VWDE: variants seen among roughly 807,000 people sequenced by gnomAD.
The protein encoded by VWDE is von Willebrand factor D and EGF domain-containing protein.
A neutral mutation model predicts 178.4 loss-of-function variants in VWDE; 207 were observed. The observed-to-expected ratio is 1.16, with a 90% confidence interval of 1.04 to 1.30. The LOEUF (loss-of-function observed/expected upper bound fraction) is 1.30. Ranked by LOEUF, VWDE falls within the 50% of genes most tolerant of loss-of-function variation. The probability of loss-of-function intolerance (pLI) is 0.00; values close to 1 mark genes in which losing one functional copy is unlikely to be tolerated. For missense variants in VWDE, 2,287 were observed against 1,901.3 expected, an observed-to-expected ratio of 1.20 and a Z score of -3.77; for synonymous variants, 738 against 651.4, an observed-to-expected ratio of 1.13 and a Z score of -2.02.
intron 1 of VWDE, among the ~76,000 whole-genome samples, chr7:12,394,942 TAC>T (rs1784554918): frequency 6.6e-6 from 1 of 152,150 alleles, no homozygotes; most frequent in Non-Finnish European, 1.5e-5. Flanking sequence ...GATACTAATT[TAC>T]AAGTGGATCT....
intron 1 of VWDE, among the ~76,000 whole-genome samples, chr7:12,400,575 A>G (rs2128565765): frequency 6.6e-6 from 1 of 152,246 alleles, no homozygotes; most frequent in East Asian, 1.9e-4. Flanking sequence ...CCCACAAAGA[A>G]AAGACCTGGC....
chr7:12,369,960 G>A lies in VWDE; in HGVS notation c.2346C>T (p.Asp782=), dbSNP rs1221075898. 3 of 1,551,474 alleles carry A rather than the reference G, an allele frequency of 1.9e-6. No homozygotes were observed. The highest frequency in any genetic ancestry group is 4.9e-5 in the East Asian group (2 of 40,900). The part of the protein sequence containing the change: ...LEELTYFFPE[D]HAEDVQQEFF... ...ACTCTTGCTGTACATCCTCAGCATG[G>A]TCCTCTGGGAAAAAATAAGTAAGTT... is the stretch of plus-strand genomic sequence containing the variant. The change falls in exon 12 of 29, where the codon GAC becomes GAT. Residue 782 remains aspartate (D), a synonymous_variant. Coordinates refer to ENST00000275358, the MANE Select transcript of VWDE (RefSeq NM_001135924.3).
In VWDE at chr7:12,354,476, G is replaced by A. The variant is rs79323800; in HGVS notation, c.3745+1635C>T. 146 of 375,090 alleles carry A rather than the reference G, an allele frequency of 3.9e-4. 1 individual carries two copies. In the East Asian group the frequency reaches 9.2e-3, roughly 24 times the overall value. 23.2% of individuals were successfully genotyped at this position (375,090 alleles called of 1,614,324 possible). ...GAGTCACACTCATCAACATCTTCCT[G>A]GCAATTTTTGCCTGTATAAAATATA... On this transcript the variant is annotated intron_variant, in intron 18 of 28. Coordinates refer to ENST00000275358, the MANE Select transcript of VWDE (RefSeq NM_001135924.3).
chr7:12,371,000 T>G (rs1245252385), intron 10 of VWDE, 136 bp from the exon 11 acceptor site: 3 of 747,826 alleles, frequency 4.0e-6, no homozygotes, highest in African/African-American at 1.8e-5. Context: ...CTGATTTTCT[T>G]GACTACAACT....
chr7:12,396,231 C>A (rs1784616435), intron 1 of VWDE, among the ~76,000 whole-genome samples: 1 of 152,046 alleles, frequency 6.6e-6, no homozygotes, highest in Admixed American at 6.6e-5. Context: ...TAATGACCAA[C>A]CTGCATTAGA....
At position 12,395,034 on chromosome 7, in the gene VWDE, A is replaced by G. The variant is rs937836708; in HGVS notation, c.59-1256T>C. ...TTTTATTTTGTTTGTAGTTATGGCA[A>G]TTAAACTATACAAAGATATTATTTT... is the stretch of plus-strand genomic sequence containing the variant. On this transcript the variant is annotated intron_variant, in intron 1 of 28. Transcript: ENST00000275358. Among the ~76,000 whole-genome samples, 8 of 152,120 alleles carry G rather than the reference A, an allele frequency of 5.3e-5. 1 individual carries two copies. Among genetic ancestry groups the G allele is most frequent in the African/African-American group, 1.9e-4 (8 of 41,448 alleles).
chr7:12,397,804 A>G (rs769236944), intron 1 of VWDE, among the ~76,000 whole-genome samples: 1 of 152,178 alleles, frequency 6.6e-6, no homozygotes, highest in Non-Finnish European at 1.5e-5. Context: ...AACAAACATG[A>G]GAAAATGCTC....
intron 19 of VWDE, among the ~76,000 whole-genome samples, chr7:12,347,193 T>C (rs1227405253): frequency 6.6e-6 from 1 of 152,130 alleles, no homozygotes; most frequent in Non-Finnish European, 1.5e-5. Context: ...TCAGCCTCTG[T>C]ACACAGAAGG....
intron 28 of VWDE, among the ~76,000 whole-genome samples, chr7:12,333,185 T>C (rs1036308303): frequency 2.0e-5 from 3 of 152,196 alleles, no homozygotes; most frequent in African/African-American, 7.2e-5. Flanking sequence ...CTTGAATCTA[T>C]ATTGTGGAAC....
intron 23 of VWDE, among the ~76,000 whole-genome samples, chr7:12,341,746 A>C (rs978456056): frequency 6.6e-6 from 1 of 152,206 alleles, no homozygotes; most frequent in Non-Finnish European, 1.5e-5. Flanking sequence ...ATTGCGATGA[A>C]AAACTTAAAA....
chr7:12,400,634 C>T (rs760897026), intron 1 of VWDE, among the ~76,000 whole-genome samples: 3 of 152,200 alleles, frequency 2.0e-5, no homozygotes, highest in Non-Finnish European at 4.4e-5. Flanking sequence ...AAAAGAATTA[C>T]CACCAATTTG....
chr7:12,370,234 T>C lies in VWDE; in HGVS notation c.2072A>G (p.Asn691Ser), dbSNP rs1201547932. The change falls in exon 12 of 29, where the codon AAT (asparagine) becomes AGT (serine). Residue 691 changes from asparagine (N) to serine (S), a missense_variant. By Grantham distance (46) the Asn-to-Ser change is conservative. Transcript: ENST00000275358. The part of the protein sequence containing the change: ...INKHTSPEEY[N>S]LNLFLQEKKH... ...TTTTTCTTGCAGAAATAAATTTAGATTATATTCTTCTGGAGATGTATGCTT... is the reference window on the plus strand; with the variant it reads ...TTTTTCTTGCAGAAATAAATTTAGACTATATTCTTCTGGAGATGTATGCTT... 1 of 1,551,196 alleles carries C rather than the reference T, an allele frequency of 6.4e-7. No individual in the cohort carries two copies. The highest frequency in any genetic ancestry group is 8.7e-7 in the Non-Finnish European group (1 of 1,146,844).
Position 12,375,060 on chromosome 7 carries a change from T to C in VWDE, c.1192A>G (p.Ile398Val). The C allele has an allele frequency of 1.3e-6, 2 of 1,551,338 alleles. No homozygotes were observed. The highest frequency in any genetic ancestry group is 1.7e-6 in the Non-Finnish European group (2 of 1,146,684). The stretch of plus-strand genomic sequence containing the variant: ...TTCCACAGGAAATCCTCATTAACTA[T>C]TGGTTGCACTACAATGTTTGAGACT... ...DRVSNIVVQP[I>V]VNEDFLWNNY... Residue 398 changes from isoleucine (I) to valine (V), a missense_variant, in exon 8 of 29, where the codon ATA (isoleucine) becomes GTA (valine). Transcript: ENST00000275358.
At chr7:12,391,731 C>A (rs1359900066) in intron 2 of VWDE, among the ~76,000 whole-genome samples, 1 of 152,130 alleles carries the variant, frequency 6.6e-6, no homozygotes, top group African/African-American at 2.4e-5. Flanking sequence ...ATTTCAATGT[C>A]TTTCCAGAGA....
At chr7:12,371,254 T>A (rs931283828) in intron 10 of VWDE, among the ~76,000 whole-genome samples, 1 of 152,202 alleles carries the variant, frequency 6.6e-6, no homozygotes, top group Non-Finnish European at 1.5e-5. Flanking sequence ...TTTACACAGA[T>A]GAATATAATT....
At chr7:12,393,852 G>T in intron 1 of VWDE, 74 bp from the exon 2 acceptor site, 3 of 1,297,518 alleles carry the variant, frequency 2.3e-6, no homozygotes, top group South Asian at 1.8e-5. Context: ...AATTAAAATT[G>T]ATTCCCAAAA....
intron 1 of VWDE, among the ~76,000 whole-genome samples, chr7:12,399,437 T>C (rs1437893512): frequency 1.3e-5 from 2 of 152,034 alleles, no homozygotes; most frequent in African/African-American, 4.8e-5. Flanking sequence ...TGAAGCAAAA[T>C]GCAGCAGAAA....
chr7:12,334,682 C>G (rs1196220466), intron 27 of VWDE, among the ~76,000 whole-genome samples: 3 of 152,172 alleles, frequency 2.0e-5, no homozygotes, highest in Non-Finnish European at 1.5e-5. Context: ...CTTTTAAATT[C>G]ACATAAAAAT....
At chr7:12,375,617 C>T (rs1351133095) in intron 7 of VWDE, among the ~76,000 whole-genome samples, 2 of 151,802 alleles carry the variant, frequency 1.3e-5, no homozygotes, top group African/African-American at 4.8e-5. Context: ...AACGTGGGCC[C>T]AGATACTTCT....
Sources: allele counts gnomAD v4.1 joint callset (sites outside exome capture counted in the v4.1 genomes callset), GRCh38; gene constraint gnomAD v4.1.1; transcripts MANE v1.5; gene names NCBI Gene and HGNC (gene_info 2026-07-23, HGNC 2026-07-21).